Variants in RAE1 observed in about 807,000 individuals in gnomAD.
The protein encoded by RAE1 is ribonucleic acid export 1.
RAE1 carries 13 observed loss-of-function variants against 52.7 expected under a neutral mutation model. The ratio of observed to expected loss-of-function variants is 0.25; its 90% CI spans 0.16 to 0.39. RAE1 has a LOEUF of 0.39. RAE1 is among the 10% of genes least tolerant of loss of function. The pLI is 1.00. For missense variants in RAE1, 262 were observed against 459.8 expected, an observed-to-expected ratio of 0.57 and a Z score of 3.93; for synonymous variants, 164 against 153.1, an observed-to-expected ratio of 1.07 and a Z score of -0.52.
chr20:57,374,244 T>C (rs2067078959), intron 10 of RAE1, among the ~76,000 whole-genome samples: 1 of 152,162 alleles, frequency 6.6e-6, no homozygotes, highest in South Asian at 2.1e-4. Context: ...AACATAAGCT[T>C]AGGATGTTTT....
intron 1 of RAE1, among the ~76,000 whole-genome samples, chr20:57,352,210 T>C (rs917963991): frequency 3.9e-5 from 6 of 152,220 alleles, no homozygotes; most frequent in African/African-American, 1.4e-4. Context: ...TATTGTGAGT[T>C]TGGAAATTTT....
intron 11 of RAE1, among the ~76,000 whole-genome samples, chr20:57,377,764 A>ACT (rs1420218339): frequency 6.6e-6 from 1 of 152,122 alleles, no homozygotes; most frequent in African/African-American, 2.4e-5. Flanking sequence ...TTGAAAAGGA[A>ACT]CTCACAGGTT....
intron 4 of RAE1, chr20:57,358,800 T>C (rs2066840704): frequency 2.3e-6 from 1 of 438,786 alleles, no homozygotes; most frequent in African/African-American, 2.0e-5. Context: ...AATAACTCAC[T>C]TAGACTTGTG....
rs896754837 is a variant in RAE1, at chr20:57,356,506, A to C, written c.256A>C (p.Thr86Pro). The change falls in exon 4 of 12, where the codon ACT becomes CCT. Residue 86 changes from threonine to proline, a missense_variant. Transcript: ENST00000395841. The part of the protein sequence containing the change: ...QTIPKAQQMH[T>P]GPVLDVCWSD... Reference sequence around the variant, plus strand: ...CATTCCAAAAGCCCAGCAGATGCACACTGGGCCTGTGCTTGATGTCTGCTG... The same window carrying C: ...CATTCCAAAAGCCCAGCAGATGCACCCTGGGCCTGTGCTTGATGTCTGCTG... The C allele has an allele frequency of 5.0e-6, 8 of 1,613,462 alleles. No individual in the cohort carries two copies. In the Admixed American group the frequency reaches 8.3e-5, roughly 17 times the overall value.
Position 57,353,748 on chromosome 20 carries a change from T to C in RAE1, c.-7-284T>C, listed in dbSNP as rs1446304975. Among the ~76,000 whole-genome samples, 3 of 152,252 alleles carry C rather than the reference T, an allele frequency of 2.0e-5. No individual in the cohort carries two copies. In the East Asian group the frequency reaches 5.8e-4, roughly 29 times the overall value. ...ATAATCTGCAATGTATCCATACTGG[T>C]TTATTAATGGTAACAAATGAACCGT... On this transcript the variant is annotated intron_variant, in intron 1 of 11. Transcript: ENST00000395841.
Position 57,378,416 on chromosome 20 carries a change from G to T in RAE1, c.*317G>T. The stretch of plus-strand genomic sequence containing the variant: ...GAGAATATTGGAAAAGCGTCTGTGA[G>T]CCCCGTGCTGTATTTTGTAATAAAG... On this transcript the variant is annotated 3_prime_UTR_variant, in exon 12 of 12. Coordinates refer to ENST00000395841, the MANE Select transcript of RAE1 (RefSeq NM_003610.4). The T allele has an allele frequency of 3.6e-6, 1 of 281,066 alleles. No individual in the cohort carries two copies. Among genetic ancestry groups the T allele is most frequent in the Non-Finnish European group, 6.7e-6 (1 of 149,696 alleles). 17.4% of individuals were successfully genotyped at this position (281,066 alleles called of 1,614,324 possible).
intron 1 of RAE1, among the ~76,000 whole-genome samples, chr20:57,352,510 C>T (rs1043843062): frequency 6.6e-6 from 1 of 152,172 alleles, no homozygotes; most frequent in African/African-American, 2.4e-5. Flanking sequence ...ATGACTGTGC[C>T]TTCTGAACTT....
At chr20:57,364,397 A>G (rs1374861397) in intron 4 of RAE1, among the ~76,000 whole-genome samples, 1 of 152,214 alleles carries the variant, frequency 6.6e-6, no homozygotes, top group Non-Finnish European at 1.5e-5. Context: ...AGCCCTCTCC[A>G]TACACTCATA....
intron 4 of RAE1, 21 bp from the exon 5 acceptor site, chr20:57,365,335 A>C (rs1458646351): frequency 6.4e-7 from 1 of 1,573,580 alleles, no homozygotes; most frequent in Non-Finnish European, 8.7e-7. Flanking sequence ...AAAATGCAAA[A>C]TTTTCTCCAT....
chr20:57,359,506 T>C (rs2066859161), intron 4 of RAE1: 1 of 152,382 alleles, frequency 6.6e-6, no homozygotes, highest in South Asian at 2.1e-4. Flanking sequence ...GGGCCAACTG[T>C]GGTGGTAATG....
In RAE1 at chr20:57,378,207, C is replaced by T. The variant is rs2067143688; in HGVS notation, c.*108C>T. ...GGTTGTCAGCCATGGACATGGATTT[C>T]AACCCCTGGAGAAAACGATGTCATT... On this transcript the variant is annotated 3_prime_UTR_variant, in exon 12 of 12. Transcript: ENST00000395841. 1 of 910,408 alleles carries T rather than the reference C, an allele frequency of 1.1e-6. No homozygotes were observed. Among genetic ancestry groups the T allele is most frequent in the African/African-American group, 1.7e-5 (1 of 59,216 alleles). 56.4% of individuals were successfully genotyped at this position (910,408 alleles called of 1,614,324 possible).
At chr20:57,366,608 A>T (rs539246149) in intron 5 of RAE1, among the ~76,000 whole-genome samples, 199 bp from the exon 6 acceptor site, 5 of 152,306 alleles carry the variant, frequency 3.3e-5, no homozygotes, top group Admixed American at 2.0e-4. Context: ...TGGGGATTAC[A>T]TCTCAACATG....
At chr20:57,365,884 C>G (rs535236254) in intron 5 of RAE1, among the ~76,000 whole-genome samples, 4 of 152,192 alleles carry the variant, frequency 2.6e-5, no homozygotes, top group Non-Finnish European at 5.9e-5. Context: ...ACGTGTGGAA[C>G]TTTTACCGTT....
At chr20:57,363,692 ATAAAG>A (rs952372754) in intron 4 of RAE1, among the ~76,000 whole-genome samples, 18 of 152,308 alleles carry the variant, frequency 1.2e-4, no homozygotes, top group African/African-American at 4.1e-4. Flanking sequence ...AATAACAATA[ATAAAG>A]TAAATAATAA....
chr20:57,367,949 G>T (rs1200239811), intron 7 of RAE1, among the ~76,000 whole-genome samples: 1 of 152,046 alleles, frequency 6.6e-6, no homozygotes, highest in East Asian at 1.9e-4. Flanking sequence ...GAGTGCAGTG[G>T]CATGATCTCA....
chr20:57,375,168 CA>C (rs2067094700), intron 11 of RAE1: 2 of 622,118 alleles, frequency 3.2e-6, no homozygotes, highest in Admixed American at 2.6e-5. Flanking sequence ...GTGGTTTGGG[CA>C]GGGGGAGTTA....
chr20:57,358,957 T>C, intron 4 of RAE1: 2 of 1,453,272 alleles, frequency 1.4e-6, no homozygotes, highest in Non-Finnish European at 1.8e-6. Context: ...TTTTCTCGTC[T>C]TATTTGTTTA....
At chr20:57,367,365 C>T (rs1057309635) in intron 7 of RAE1, among the ~76,000 whole-genome samples, 3 of 152,184 alleles carry the variant, frequency 2.0e-5, no homozygotes, top group African/African-American at 7.2e-5. Flanking sequence ...TCTATCATGT[C>T]CTTTCCATGG....
At chr20:57,372,557 T>G (rs1192352015) in intron 8 of RAE1, 1 of 152,296 alleles carries the variant, frequency 6.6e-6, no homozygotes, top group African/African-American at 2.4e-5. Context: ...TTTGTCAGTT[T>G]GCTTTACTTT....
Sources: gnomAD v4.1 joint callset for allele counts (sites outside exome capture counted in the v4.1 genomes callset) on GRCh38, gnomAD v4.1.1 for gene constraint, MANE v1.5 for transcripts, NCBI Gene and HGNC (gene_info 2026-07-23, HGNC 2026-07-21) for gene names.